Variants in DENND4C observed in about 807,000 individuals in gnomAD.
DENND4C encodes the protein DENN domain-containing protein 4C.
Under a neutral mutation model 203.0 loss-of-function variants are expected in DENND4C, and 108 were observed. That is an observed-to-expected ratio of 0.53 (90% CI 0.46 to 0.62). DENND4C has a LOEUF of 0.62. DENND4C is among the 20% of genes least tolerant of loss of function. The pLI is 0.00. For missense variants in DENND4C, 2,481 were observed against 2,301.2 expected, an observed-to-expected ratio of 1.08 and a Z score of -1.60; for synonymous variants, 871 against 792.4, an observed-to-expected ratio of 1.10 and a Z score of -1.67.
intron 1 of DENND4C, among the ~76,000 whole-genome samples, chr9:19,233,030 G>A (rs1457490950): frequency 6.9e-6 from 1 of 145,286 alleles, no homozygotes; most frequent in Non-Finnish European, 1.5e-5. Flanking sequence ...TCTGGAGGCT[G>A]CCTGATTAAA....
chr9:19,292,512 G>A (rs976839298), intron 5 of DENND4C: 1 of 151,052 alleles, frequency 6.6e-6, no homozygotes, highest in African/African-American at 2.4e-5. Flanking sequence ...AAAGCTGATA[G>A]CAGTAGAAAT....
chr9:19,260,887 G>C (rs907781318), intron 1 of DENND4C, among the ~76,000 whole-genome samples: 5 of 152,110 alleles, frequency 3.3e-5, no homozygotes, highest in African/African-American at 1.2e-4. Flanking sequence ...AATCCGGTCT[G>C]GATGACAGAG....
chr9:19,362,483 G>A (rs866099146), intron 30 of DENND4C, among the ~76,000 whole-genome samples: 2 of 151,450 alleles, frequency 1.3e-5, no homozygotes, highest in East Asian at 3.9e-4. Context: ...ATATAGAAAA[G>A]CAAATTATTT....
intron 20 of DENND4C, among the ~76,000 whole-genome samples, chr9:19,339,822 T>C (rs569324582): frequency 1.3e-5 from 2 of 152,224 alleles, no homozygotes; most frequent in Non-Finnish European, 2.9e-5. Context: ...ATTTAGAAGA[T>C]GATATTGTAG....
Position 19,241,301 on chromosome 9 carries a change from T to G in DENND4C, c.-18+10468T>G, listed in dbSNP as rs1823643575. 2.0e-5 allele frequency among the ~76,000 whole-genome samples: 3 copies of G among 152,224 alleles called. 1 individual carries two copies. The highest frequency in any genetic ancestry group is 4.4e-5 in the Non-Finnish European group (3 of 68,036). ...GTTTTTTGACTCTCGTAACAACACTTAAATACAAACGCATTTTACAGGTGT... is the reference window on the plus strand; with the variant it reads ...GTTTTTTGACTCTCGTAACAACACTGAAATACAAACGCATTTTACAGGTGT... On this transcript the variant is annotated intron_variant, in intron 1 of 32. Transcript: ENST00000434457.
At chr9:19,245,619 G>A (rs906134867) in intron 1 of DENND4C, among the ~76,000 whole-genome samples, 3 of 152,088 alleles carry the variant, frequency 2.0e-5, no homozygotes, top group African/African-American at 7.2e-5. Context: ...CACTTTGGAA[G>A]GCCGAGGCGG....
In DENND4C at chr9:19,286,903, C is replaced by T. The variant is rs1588845258; in HGVS notation, c.440C>T (p.Pro147Leu). The T allele has an allele frequency of 8.1e-7, 1 of 1,232,112 alleles. No individual in the cohort carries two copies. Among genetic ancestry groups the T allele is most frequent in the Non-Finnish European group, 1.0e-6 (1 of 987,968 alleles). 76.3% of individuals were successfully genotyped at this position (1,232,112 alleles called of 1,614,324 possible). A position where few individuals can be genotyped will look rare whatever the true frequency, so the allele number is the denominator to read the frequency against. ...ATCTTTATCACTTATCGAAGGGCTCCTCCAGTTCGACCCCAGAATTCCTTG... is the reference window on the plus strand; with the variant it reads ...ATCTTTATCACTTATCGAAGGGCTCTTCCAGTTCGACCCCAGAATTCCTTG... ...QRIFITYRRA[P>L]PVRPQNSLAV... The change falls in exon 3 of 33, where the codon CCT (proline) becomes CTT (leucine). Residue 147 changes from proline to leucine, a missense_variant. Around this residue, in one of 3 missense-constraint regions of DENND4C, gnomAD observed 187 missense variants for 167.4 expected, o/e 1.12. Coordinates refer to ENST00000434457, the MANE Select transcript of DENND4C (RefSeq NM_001330640.2).
At chr9:19,286,337 G>A (rs948140752) in intron 2 of DENND4C, among the ~76,000 whole-genome samples, 8 of 151,986 alleles carry the variant, frequency 5.3e-5, no homozygotes, top group East Asian at 1.9e-4. Flanking sequence ...TTTAAATAAC[G>A]TTTTATAGTT....
intron 1 of DENND4C, among the ~76,000 whole-genome samples, chr9:19,241,497 C>G (rs1448458016): frequency 6.8e-6 from 1 of 147,324 alleles, no homozygotes; most frequent in African/African-American, 2.5e-5. Context: ...TGCATCTGGC[C>G]TTTTTTTTTC....
chr9:19,288,015 C>T, intron 3 of DENND4C, among the ~76,000 whole-genome samples: 1 of 152,190 alleles, frequency 6.6e-6, no homozygotes, highest in Non-Finnish European at 1.5e-5. Context: ...ATTACAGGCG[C>T]AAGCCACCAC....
chr9:19,319,409 CA>C, intron 12 of DENND4C, among the ~76,000 whole-genome samples: 1 of 142,046 alleles, frequency 7.0e-6, no homozygotes, highest in South Asian at 2.2e-4. Context: ...TATATACACA[CA>C]TATATATATA....
chr9:19,246,731 T>C (rs957751590), intron 1 of DENND4C, among the ~76,000 whole-genome samples: 2 of 152,188 alleles, frequency 1.3e-5, no homozygotes, highest in African/African-American at 4.8e-5. Flanking sequence ...TTGTTTTTGT[T>C]TGTTTGTTTT....
intron 10 of DENND4C, among the ~76,000 whole-genome samples, chr9:19,310,700 T>C (rs1840569089): frequency 6.6e-6 from 1 of 152,230 alleles, no homozygotes. Context: ...GATCTTCTTA[T>C]AGTTGATAAG....
chr9:19,275,595 C>T (rs190000976), intron 1 of DENND4C, among the ~76,000 whole-genome samples: 11 of 152,190 alleles, frequency 7.2e-5, no homozygotes, highest in Middle Eastern at 3.4e-3. Flanking sequence ...CTCAGCCTCC[C>T]GGGTAGCTGG....
At chr9:19,339,372 CT>C (rs772865015) in intron 20 of DENND4C, among the ~76,000 whole-genome samples, 51 of 152,248 alleles carry the variant, frequency 3.3e-4, no homozygotes, top group Middle Eastern at 3.4e-3. Flanking sequence ...GTTCTTTAGC[CT>C]TTAAAAAATC....
chr9:19,315,576 C>T (rs780884359), intron 10 of DENND4C, among the ~76,000 whole-genome samples: 6 of 148,650 alleles, frequency 4.0e-5, no homozygotes, highest in Non-Finnish European at 7.4e-5. Flanking sequence ...TGTATATATA[C>T]GTGTACATAT....
At chr9:19,273,723 T>C (rs906889735) in intron 1 of DENND4C, among the ~76,000 whole-genome samples, 32 of 151,860 alleles carry the variant, frequency 2.1e-4, no homozygotes, top group Non-Finnish European at 2.6e-4. Flanking sequence ...GAAGTTGATA[T>C]CAGTACATAC....
intron 12 of DENND4C, among the ~76,000 whole-genome samples, chr9:19,321,078 G>GA (rs1842800353): frequency 6.6e-6 from 1 of 152,150 alleles, no homozygotes; most frequent in Admixed American, 6.5e-5. Flanking sequence ...AGAGTAATTG[G>GA]AAGCCTGTAA....
At chr9:19,266,756 G>A (rs1184342403) in intron 1 of DENND4C, among the ~76,000 whole-genome samples, 3 of 152,084 alleles carry the variant, frequency 2.0e-5, no homozygotes, top group African/African-American at 7.2e-5. Flanking sequence ...AATGGTGCTG[G>A]GAAAACTGGC....
Sources: gnomAD v4.1 joint callset for allele counts (sites outside exome capture counted in the v4.1 genomes callset) on GRCh38, gnomAD v4.1.1 for gene constraint, gnomAD v4.1.1 regional missense constraint, MANE v1.5 for transcripts, NCBI Gene and HGNC (gene_info 2026-07-23, HGNC 2026-07-21) for gene names.